The following CHRNA9 variants were observed in gnomAD, a reference collection of about 807,000 sequenced individuals.
The protein encoded by CHRNA9 is cholinergic receptor nicotinic alpha 9 subunit.
In CHRNA9, 24 loss-of-function variants were observed where a neutral mutation model predicts 36.8. The ratio of observed to expected loss-of-function variants is 0.65; its 90% confidence interval spans 0.47 to 0.92. CHRNA9 has a LOEUF of 0.92. Among genes scored for constraint, CHRNA9 ranks in the 40% least tolerant of loss-of-function variants. The probability of loss-of-function intolerance (pLI) is 0.00; values close to 1 mark genes in which losing one functional copy is unlikely to be tolerated. For missense variants in CHRNA9, 610 were observed against 601.2 expected (o/e 1.01, Z -0.15); for synonymous variants, 231 against 231.8 (o/e 1.00, Z 0.03).
chr4:40,352,521 G>A (rs1159821152), intron 4 of CHRNA9, among the ~76,000 whole-genome samples: 3 of 152,084 alleles, frequency 2.0e-5, no homozygotes, highest in Admixed American at 6.6e-5. Flanking sequence ...CACCGTGCCC[G>A]ACTATACAGT....
intron 3 of CHRNA9, among the ~76,000 whole-genome samples, chr4:40,339,720 T>A (rs1712446296): frequency 6.7e-6 from 1 of 150,004 alleles, no homozygotes; most frequent in African/African-American, 2.5e-5. Flanking sequence ...TAGAGTGCAG[T>A]GGTGTGATCA....
intron 3 of CHRNA9, among the ~76,000 whole-genome samples, chr4:40,344,220 C>G (rs540051535): frequency 1.3e-5 from 2 of 152,288 alleles, no homozygotes; most frequent in East Asian, 1.9e-4. Context: ...TGTTAAGACA[C>G]TAAATTTATG....
rs920077895 is a variant in CHRNA9, at chr4:40,353,557, T to C, written c.899-422T>C. 2.6e-5 allele frequency among the ~76,000 whole-genome samples: 4 copies of C among 152,306 alleles called. No homozygotes were observed. The East Asian group carries it at 7.7e-4, about 29-fold the overall frequency. The stretch of plus-strand genomic sequence containing the variant: ...AACACCTCCTTAGAAAGGGTGTTTG[T>C]TTCTTTTTAAGCCAAACACAGTCAT... On this transcript the variant is annotated intron_variant, in intron 4 of 4. Coordinates refer to ENST00000310169, the MANE Select transcript of CHRNA9 (RefSeq NM_017581.4).
At chr4:40,338,023 G>A (rs1712376907) in intron 3 of CHRNA9, 1 of 152,132 alleles carries the variant, frequency 6.6e-6, no homozygotes, top group African/African-American at 2.4e-5. Context: ...AGTGTTGGGG[G>A]CTAAGACTTC....
intron 4 of CHRNA9, among the ~76,000 whole-genome samples, chr4:40,351,637 C>G (rs1028050924): frequency 6.6e-6 from 1 of 152,120 alleles, no homozygotes; most frequent in Non-Finnish European, 1.5e-5. Flanking sequence ...GGTTTCTGGC[C>G]CATGGCCTTT....
intron 3 of CHRNA9, among the ~76,000 whole-genome samples, chr4:40,344,564 G>A (rs1357289380): frequency 6.6e-6 from 1 of 151,878 alleles, no homozygotes; most frequent in Admixed American, 6.6e-5. Context: ...TTAGATTTAG[G>A]TTTTTGGTAG....
Position 40,349,389 on chromosome 4 carries a change from G to A in CHRNA9, c.873G>A (p.Pro291=), listed in dbSNP as rs777257601. ...VFQLMVAEIM[P]ASENVPLIGK... ...AGCTAATGGTGGCAGAAATCATGCC[G>A]GCCTCAGAAAATGTGCCCCTGATAG... The change falls in exon 4 of 5, where the codon CCG becomes CCA. Residue 291 remains proline (P), a synonymous_variant. Coordinates refer to ENST00000310169, the MANE Select transcript of CHRNA9 (RefSeq NM_017581.4). The A allele has an allele frequency of 2.8e-5, 45 of 1,613,378 alleles. No homozygotes were observed. The Admixed American group carries it at 3.5e-4, about 13-fold the overall frequency.
chr4:40,353,929 T>C (rs1577551232), intron 4 of CHRNA9, 50 bp from the exon 5 acceptor site: 1 of 1,492,608 alleles, frequency 6.7e-7, no homozygotes. Flanking sequence ...CGTGGCTGTA[T>C]GAGGACCATT....
chr4:40,354,699 C>G lies in CHRNA9; in HGVS notation c.*179C>G. ...GCTCTGTTAAATTAAGCAGAAGAAC[C>G]AAAATTTCAAGGGTAGGAAGATGGA... is the stretch of plus-strand genomic sequence containing the variant. On this transcript the variant is annotated 3_prime_UTR_variant, in exon 5 of 5. Coordinates refer to ENST00000310169, the MANE Select transcript of CHRNA9 (RefSeq NM_017581.4). 1.7e-6 allele frequency: 1 copy of G among 574,668 alleles called. No homozygotes were observed. Among genetic ancestry groups the G allele is most frequent in the Non-Finnish European group, 3.0e-6 (1 of 330,960 alleles). 35.6% of individuals were successfully genotyped at this position (574,668 alleles called of 1,614,324 possible). A position where few individuals can be genotyped will look rare whatever the true frequency, so the allele number is the denominator to read the frequency against.
At position 40,354,310 on chromosome 4, in the gene CHRNA9, CCCT is replaced by C; in HGVS notation, c.1232_1234del (p.Pro411del). 1 of 1,614,174 alleles carries C rather than the reference CCCT, an allele frequency of 6.2e-7. No homozygotes were observed. Among genetic ancestry groups the C allele is most frequent in the Non-Finnish European group, 8.5e-7 (1 of 1,180,014 alleles). On this transcript the variant is annotated inframe_deletion, in exon 5 of 5. Coordinates refer to ENST00000310169, the MANE Select transcript of CHRNA9 (RefSeq NM_017581.4). ...ACGACCTGGGCTGCCAGGGTAAGAA[CCCT>C]CAGGAGGCCGAGAGTTACTGTGCAC... is the stretch of plus-strand genomic sequence containing the variant.
chr4:40,345,952 G>A (rs1489809551), intron 3 of CHRNA9, among the ~76,000 whole-genome samples: 4 of 152,184 alleles, frequency 2.6e-5, no homozygotes, highest in Admixed American at 6.5e-5. Context: ...TTGAACCCAG[G>A]AGGCAGAGGT....
intron 4 of CHRNA9, among the ~76,000 whole-genome samples, chr4:40,350,693 T>TACACACACACACACACACACACAC (rs59972613): frequency 3.5e-4 from 51 of 143,878 alleles, no homozygotes; most frequent in Non-Finnish European, 7.2e-4. Context: ...CTTTGCAAAA[T>TACACACACACACACACACACACAC]ACACACACAC....
intron 3 of CHRNA9, among the ~76,000 whole-genome samples, chr4:40,344,465 C>T (rs1030114811): frequency 6.6e-6 from 1 of 150,662 alleles, no homozygotes; most frequent in African/African-American, 2.5e-5. Context: ...ATCCAGGAGA[C>T]GGAGGTTTCA....
chr4:40,336,339 A>T (rs1178009907), intron 2 of CHRNA9, among the ~76,000 whole-genome samples: 1 of 152,148 alleles, frequency 6.6e-6, no homozygotes, highest in East Asian at 1.9e-4. Flanking sequence ...GTTCTTAATG[A>T]TTACGGCGTT....
At chr4:40,352,406 G>A (rs1394571959) in intron 4 of CHRNA9, among the ~76,000 whole-genome samples, 1 of 152,036 alleles carries the variant, frequency 6.6e-6, no homozygotes, top group Non-Finnish European at 1.5e-5. Flanking sequence ...TATATTTTTA[G>A]TAGAGACGGG....
intron 3 of CHRNA9, among the ~76,000 whole-genome samples, chr4:40,341,468 A>G (rs11945666): frequency 0.15 from 22,085 of 152,052 alleles, 3,333 homozygotes; most frequent in African/African-American, 0.39. Flanking sequence ...CCAAGTCTTC[A>G]TTGCATGAGG....
chr4:40,343,467 T>C (rs889478987), intron 3 of CHRNA9, among the ~76,000 whole-genome samples: 1 of 152,062 alleles, frequency 6.6e-6, no homozygotes. Flanking sequence ...TTATTCACTA[T>C]CACAAGATCA....
intron 3 of CHRNA9, among the ~76,000 whole-genome samples, chr4:40,342,259 G>GA (rs36006343): frequency 1.3e-5 from 2 of 151,994 alleles, no homozygotes; most frequent in African/African-American, 4.8e-5. Context: ...AACAGGTTTG[G>GA]AAAAAAAGAG....
At position 40,335,828 on chromosome 4, in the gene CHRNA9, T is replaced by G. The variant is rs1317165381; in HGVS notation, c.66T>G (p.Ala22=). 6.2e-7 allele frequency: 1 copy of G among 1,612,420 alleles called. No individual in the cohort carries two copies. Among genetic ancestry groups the G allele is most frequent in the East Asian group, 2.2e-5 (1 of 44,890 alleles). The change falls in exon 2 of 5, where the codon GCT becomes GCG. Residue 22 remains alanine (A), a splice_region_variant and synonymous_variant. Transcript: ENST00000310169. ...ATCCAGATCCCTCTTGTTGAGTAGC[T>G]GCAGAGACGGCAGATGGAAAATATG... ...WIYFAASRLR[A]AETADGKYAQ...
Sources: gnomAD v4.1 joint callset for allele counts (sites outside exome capture counted in the v4.1 genomes callset) on GRCh38, gnomAD v4.1.1 for gene constraint, MANE v1.5 for transcripts, NCBI Gene and HGNC (gene_info 2026-07-23, HGNC 2026-07-21) for gene names.